TMEM132D: variants seen among roughly 807,000 people sequenced by gnomAD.
TMEM132D encodes the protein transmembrane protein 132D.
In TMEM132D, 21 loss-of-function variants were observed where a neutral mutation model predicts 62.3. The ratio of observed to expected loss-of-function variants is 0.34; its 90% CI spans 0.24 to 0.49. The LOEUF (loss-of-function observed/expected upper bound fraction) is 0.49. TMEM132D is among the 20% of genes least tolerant of loss of function. The pLI, the probability that TMEM132D is intolerant of heterozygous loss-of-function variation, is 0.99. For missense variants in TMEM132D, 1,346 were observed against 1,402.8 expected (o/e 0.96, Z 0.65); for synonymous variants, 621 against 575.6 (o/e 1.08, Z -1.13).
At position 129,105,559 on chromosome 12, in the gene TMEM132D, GA is replaced by G. The variant is rs200761456; in HGVS notation, c.1444-20858del. ...AAAGTATAATAATAATAAAAAAAAA[GA>G]AAAAAAAAAGAAAAAAACAAACAAC... On this transcript the variant is annotated intron_variant, in intron 5 of 8. Transcript: ENST00000422113. Among the ~76,000 whole-genome samples the G allele has an allele frequency of 2.8e-4, 40 of 141,144 alleles. 1 individual carries two copies. The highest frequency in any genetic ancestry group is 9.9e-4 in the African/African-American group (36 of 36,404). The allele number at this position is 141,144 out of a possible 152,430, so 92.6% of individuals were successfully genotyped here.
intron 2 of TMEM132D, among the ~76,000 whole-genome samples, chr12:129,549,743 G>C (rs372706536): frequency 2.0e-5 from 3 of 152,198 alleles, no homozygotes; most frequent in East Asian, 3.9e-4. Context: ...TGAGCTGAAG[G>C]CCTGTTTGTC....
chr12:129,638,540 A>AAT (rs1257532171), intron 2 of TMEM132D, among the ~76,000 whole-genome samples: 34 of 4,976 alleles, frequency 6.8e-3, no homozygotes, highest in African/African-American at 0.017. Flanking sequence ...AACATATATA[A>AAT]ATATAAACAT....
chr12:129,671,261 T>TA (rs1452187819), intron 2 of TMEM132D, among the ~76,000 whole-genome samples: 1 of 152,142 alleles, frequency 6.6e-6, no homozygotes, highest in Non-Finnish European at 1.5e-5. Context: ...GAGAATAACT[T>TA]AAAAGGTCTT....
intron 2 of TMEM132D, among the ~76,000 whole-genome samples, chr12:129,562,295 A>G (rs1226997040): frequency 6.6e-6 from 1 of 152,032 alleles, no homozygotes; most frequent in Non-Finnish European, 1.5e-5. Flanking sequence ...GTAGATTGTA[A>G]TGGATTTGAG....
intron 2 of TMEM132D, among the ~76,000 whole-genome samples, chr12:129,609,645 C>T (rs571282654): frequency 3.9e-5 from 6 of 152,248 alleles, no homozygotes; most frequent in African/African-American, 1.2e-4. Context: ...TTCAGCACTA[C>T]GTTGTTCATG....
At chr12:129,692,645 C>T (rs1207349979) in intron 2 of TMEM132D, among the ~76,000 whole-genome samples, 3 of 152,208 alleles carry the variant, frequency 2.0e-5, no homozygotes, top group African/African-American at 7.2e-5. Context: ...GGTACATAGA[C>T]ACCATGGGAT....
chr12:129,420,966 T>C (rs1477716629), intron 3 of TMEM132D, among the ~76,000 whole-genome samples: 1 of 150,820 alleles, frequency 6.6e-6, no homozygotes, highest in Non-Finnish European at 1.5e-5. Context: ...ATCTACCTTT[T>C]TTTTTTTTTT....
intron 4 of TMEM132D, among the ~76,000 whole-genome samples, chr12:129,328,363 G>A (rs992106971): frequency 5.3e-5 from 8 of 152,234 alleles, no homozygotes; most frequent in South Asian, 2.1e-4. Context: ...GTGCTTCTGC[G>A]GTACCTCTAA....
chr12:129,169,546 T>C (rs1008404134), intron 5 of TMEM132D, among the ~76,000 whole-genome samples: 1 of 152,258 alleles, frequency 6.6e-6, no homozygotes, highest in Non-Finnish European at 1.5e-5. Context: ...TAACCACTTT[T>C]ACTTGGTTGT....
chr12:129,627,716 A>G (rs1307477745), intron 2 of TMEM132D, among the ~76,000 whole-genome samples: 2 of 152,196 alleles, frequency 1.3e-5, no homozygotes, highest in African/African-American at 2.4e-5. Flanking sequence ...ACCAGGCATG[A>G]TGGCTCCTGC....
intron 2 of TMEM132D, among the ~76,000 whole-genome samples, chr12:129,581,199 G>A (rs146271215): frequency 6.6e-6 from 1 of 152,260 alleles, no homozygotes; most frequent in East Asian, 1.9e-4. Context: ...TCTCTGCACA[G>A]CCAGCTCTCC....
intron 4 of TMEM132D, among the ~76,000 whole-genome samples, chr12:129,303,682 G>C (rs1324273476): frequency 6.6e-6 from 1 of 152,172 alleles, no homozygotes; most frequent in African/African-American, 2.4e-5. Flanking sequence ...GATATACACA[G>C]ATGTGTACGA....
intron 1 of TMEM132D, among the ~76,000 whole-genome samples, chr12:129,742,034 C>T (rs996846043): frequency 2.6e-5 from 4 of 152,080 alleles, no homozygotes; most frequent in Non-Finnish European, 1.5e-5. Context: ...AAAATAATGG[C>T]CCCAAGTAAG....
intron 1 of TMEM132D, among the ~76,000 whole-genome samples, chr12:129,718,557 G>A (rs1055135237): frequency 6.6e-6 from 1 of 152,168 alleles, no homozygotes; most frequent in Non-Finnish European, 1.5e-5. Flanking sequence ...ACTTATGAAG[G>A]CCTTTTATGG....
chr12:129,729,381 A>G (rs373736157), intron 1 of TMEM132D, among the ~76,000 whole-genome samples: 1 of 152,194 alleles, frequency 6.6e-6, no homozygotes, highest in South Asian at 2.1e-4. Context: ...TGTTCTATGC[A>G]TTGCAGAAAA....
chr12:129,725,559 A>C (rs1224905829), intron 1 of TMEM132D, among the ~76,000 whole-genome samples: 1 of 152,202 alleles, frequency 6.6e-6, no homozygotes, highest in Non-Finnish European at 1.5e-5. Flanking sequence ...AGCAAACTCA[A>C]CCCTCACCTT....
At chr12:129,825,933 G>A (rs551387156) in intron 1 of TMEM132D, among the ~76,000 whole-genome samples, 5 of 152,054 alleles carry the variant, frequency 3.3e-5, no homozygotes, top group Admixed American at 2.0e-4. Flanking sequence ...GCATGGTGGC[G>A]CATGCCTATA....
chr12:129,420,311 T>TTTTTTTTG (rs1555254702), intron 3 of TMEM132D, among the ~76,000 whole-genome samples: 1 of 40,306 alleles, frequency 2.5e-5, no homozygotes, highest in African/African-American at 5.8e-5. Flanking sequence ...TCTCTGTTTT[T>TTTTTTTTG]TTTTTTTTTT....
chr12:129,549,106 C>A (rs1460947028), intron 2 of TMEM132D, among the ~76,000 whole-genome samples: 1 of 151,704 alleles, frequency 6.6e-6, no homozygotes, highest in Non-Finnish European at 1.5e-5. Context: ...CCCATAATTT[C>A]CCTGTGTTGT....
Sources: allele counts gnomAD v4.1 joint callset (sites outside exome capture counted in the v4.1 genomes callset), GRCh38; gene constraint gnomAD v4.1.1; transcripts MANE v1.5; gene names NCBI Gene and HGNC (gene_info 2026-07-23, HGNC 2026-07-21).